SUMF1: variants seen among roughly 807,000 people sequenced by gnomAD.
SUMF1 encodes formylglycine-generating enzyme.
SUMF1 carries 48 observed loss-of-function variants against 47.6 expected under a neutral mutation model. The ratio of observed to expected loss-of-function variants is 1.01; its 90% confidence interval spans 0.80 to 1.28. The LOEUF (loss-of-function observed/expected upper bound fraction) is 1.28, where lower values mean the gene tolerates loss of function less well. Among genes scored for constraint, SUMF1 ranks in the 50% most tolerant of loss-of-function variants. SUMF1 has a pLI of 0.00. For missense variants in SUMF1, 571 were observed against 485.4 expected (o/e 1.18, Z -1.66); for synonymous variants, 230 against 192.1 (o/e 1.20, Z -1.63).
chr3:4,440,863 GT>G (rs1702563459), intron 3 of SUMF1, among the ~76,000 whole-genome samples: 1 of 152,166 alleles, frequency 6.6e-6, no homozygotes, highest in Admixed American at 6.5e-5. Flanking sequence ...AACAGCAACT[GT>G]TTTCTACCCA....
chr3:4,428,022 A>G (rs2125064439), intron 3 of SUMF1, among the ~76,000 whole-genome samples: 1 of 152,362 alleles, frequency 6.6e-6, no homozygotes, highest in South Asian at 2.1e-4. Flanking sequence ...ATTTTCATCA[A>G]ATAAGTAACT....
intron 8 of SUMF1, among the ~76,000 whole-genome samples, chr3:4,226,895 C>A (rs1418827174): frequency 6.6e-6 from 1 of 152,062 alleles, no homozygotes; most frequent in Admixed American, 6.6e-5. Flanking sequence ...TCCCCTACTC[C>A]AGTGGTTCTC....
intron 8 of SUMF1, among the ~76,000 whole-genome samples, chr3:4,145,475 C>A (rs76874389): frequency 0.085 from 12,991 of 152,178 alleles, 782 homozygotes; most frequent in Non-Finnish European, 0.13. Context: ...CAATTCATAT[C>A]TTGTCCCTCT....
chr3:4,081,286 T>C (rs563519186), intron 8 of SUMF1, among the ~76,000 whole-genome samples: 1 of 152,220 alleles, frequency 6.6e-6, no homozygotes, highest in East Asian at 1.9e-4. Context: ...CTCAAATCAG[T>C]GTTCCTTCTG....
At chr3:4,220,844 T>A (rs1353334711) in intron 8 of SUMF1, among the ~76,000 whole-genome samples, 1 of 152,132 alleles carries the variant, frequency 6.6e-6, no homozygotes, top group African/African-American at 2.4e-5. Flanking sequence ...CTTCTCTGGA[T>A]CCCTTCCAGC....
chr3:4,424,103 T>C (rs961637554), intron 3 of SUMF1, among the ~76,000 whole-genome samples: 3 of 152,206 alleles, frequency 2.0e-5, no homozygotes, highest in Non-Finnish European at 4.4e-5. Flanking sequence ...GTTGCAATAA[T>C]TGGCATAGAA....
At chr3:4,247,991 T>C (rs1344320236) in intron 8 of SUMF1, among the ~76,000 whole-genome samples, 1 of 152,246 alleles carries the variant, frequency 6.6e-6, no homozygotes, top group African/African-American at 2.4e-5. Flanking sequence ...TGGGGAAAAT[T>C]ACCTATTTCA....
rs74771986 is a variant in SUMF1 at position 4,263,590 on chromosome 3, T to C, written c.1014+112740A>G. On this transcript the variant is annotated intron_variant and NMD_transcript_variant, in intron 8 of 12. Coordinates refer to the SUMF1 transcript ENST00000448413. ...TCTATTCCAGCAACCCACCAAGCAT[T>C]CTCATGATTCCTGTCTTCTTTCACC... Among the ~76,000 whole-genome samples, 268 of 152,216 alleles carry C rather than the reference T, an allele frequency of 1.8e-3. 2 individuals carry two copies. The highest frequency in any genetic ancestry group is 6.1e-3 in the African/African-American group (255 of 41,538).
intron 9 of SUMF1, among the ~76,000 whole-genome samples, chr3:4,046,208 G>C (rs1365728051): frequency 1.3e-5 from 2 of 152,142 alleles, no homozygotes; most frequent in Non-Finnish European, 1.5e-5. Context: ...GCTGAGTGAG[G>C]TCATGACTGA....
chr3:4,082,116 G>A (rs1692573313), intron 8 of SUMF1, among the ~76,000 whole-genome samples: 1 of 152,162 alleles, frequency 6.6e-6, no homozygotes, highest in African/African-American at 2.4e-5. Context: ...TCTGATGACA[G>A]GATATATGGG....
chr3:4,314,113 A>G, intron 8 of SUMF1: 1 of 340,450 alleles, frequency 2.9e-6, no homozygotes, highest in Non-Finnish European at 5.4e-6. Context: ...CAGTCATCCT[A>G]GACCCCAGGA....
At chr3:4,054,567 A>C (rs891371232) in intron 9 of SUMF1, among the ~76,000 whole-genome samples, 27 of 152,096 alleles carry the variant, frequency 1.8e-4, no homozygotes, top group African/African-American at 4.8e-4. Context: ...TTTAAAAGAT[A>C]TCTTTACCCA....
At chr3:4,129,149 T>A (rs1212362478) in intron 8 of SUMF1, among the ~76,000 whole-genome samples, 1 of 152,134 alleles carries the variant, frequency 6.6e-6, no homozygotes, top group East Asian at 1.9e-4. Context: ...TGAAGAGCCC[T>A]GTAATTGCCC....
At chr3:4,282,236 T>C (rs987499922) in intron 8 of SUMF1, among the ~76,000 whole-genome samples, 6 of 152,110 alleles carry the variant, frequency 3.9e-5, no homozygotes, top group Admixed American at 2.0e-4. Flanking sequence ...AATGTACTTA[T>C]CCAGCTGCAG....
At chr3:4,172,125 G>A (rs775082687) in intron 8 of SUMF1, among the ~76,000 whole-genome samples, 1 of 152,078 alleles carries the variant, frequency 6.6e-6, no homozygotes, top group Non-Finnish European at 1.5e-5. Context: ...GGGATGGAAC[G>A]AAAAATACTT....
At chr3:4,452,817 A>T in intron 2 of SUMF1, 59 bp downstream of exon 2, 1 of 1,599,904 alleles carries the variant, frequency 6.3e-7, no homozygotes, top group Admixed American at 1.7e-5. Context: ...CTGCTATTAA[A>T]GCATTCTTAA....
intron 8 of SUMF1, among the ~76,000 whole-genome samples, chr3:4,224,237 C>T (rs974101493): frequency 3.9e-5 from 6 of 151,994 alleles, no homozygotes; most frequent in Admixed American, 1.3e-4. Context: ...AGGTTAGTTT[C>T]GCATTACTTA....
intron 8 of SUMF1, among the ~76,000 whole-genome samples, chr3:4,217,513 T>TATATATA (rs200461780): frequency 1.4e-5 from 1 of 72,646 alleles, no homozygotes; most frequent in African/African-American, 8.2e-5. Flanking sequence ...TAAAGTATTT[T>TATATATA]TTATATATAT....
chr3:4,330,032 T>A (rs1259013288), intron 8 of SUMF1, among the ~76,000 whole-genome samples: 1 of 152,206 alleles, frequency 6.6e-6, no homozygotes, highest in African/African-American at 2.4e-5. Flanking sequence ...TGCTAATGTG[T>A]AACAAGAGTT....
Sources: allele counts gnomAD v4.1 joint callset (sites outside exome capture counted in the v4.1 genomes callset), GRCh38; gene constraint gnomAD v4.1.1; transcripts MANE v1.5; gene names NCBI Gene and HGNC (gene_info 2026-07-23, HGNC 2026-07-21).